The following SLURP2 variants were observed in gnomAD, a reference collection of about 807,000 sequenced individuals.
SLURP2 encodes secreted LY6/PLAUR domain containing 2.
SLURP2 carries 4 observed loss-of-function variants against 9.8 expected under a neutral mutation model. The observed-to-expected ratio is 0.41, with a 90% CI of 0.20 to 0.94. The LOEUF (loss-of-function observed/expected upper bound fraction) is 0.94. Among genes scored for constraint, SLURP2 ranks in the 40% least tolerant of loss-of-function variants. The pLI, the probability that SLURP2 is intolerant of heterozygous loss-of-function variation, is 0.32. For missense variants in SLURP2, 118 were observed against 126.4 expected (o/e 0.93, Z 0.32); for synonymous variants, 58 against 56.2 (o/e 1.03, Z -0.15).
intron 1 of SLURP2, among the ~76,000 whole-genome samples, chr8:142,767,872 C>T (rs587757929): frequency 1.3e-5 from 2 of 151,074 alleles, no homozygotes; most frequent in South Asian, 4.2e-4. Flanking sequence ...TTAATGAGGC[C>T]CAGGAGAGGC....
intron 1 of SLURP2, among the ~76,000 whole-genome samples, chr8:142,765,793 T>C (rs1429950906): frequency 6.6e-6 from 1 of 152,006 alleles, no homozygotes; most frequent in Admixed American, 6.5e-5. Context: ...AAACCCTATC[T>C]CTACTAAAAA....
intron 1 of SLURP2, among the ~76,000 whole-genome samples, chr8:142,769,535 C>G (rs1205862292): frequency 6.0e-5 from 7 of 116,592 alleles, no homozygotes; most frequent in Admixed American, 1.1e-4. Flanking sequence ...GGCTGTGCAT[C>G]CTGAGAAGTG....
rs1815064173 is a variant in SLURP2 at position 142,768,239 on chromosome 8, AG to A, written c.52+1515del. ...GGAGGAGGGAGGTGGGGTGGGGGGG[AG>A]GGGGCAGGAATAATGGAGGGACAAA... On this transcript the variant is annotated intron_variant, in intron 1 of 2. Coordinates refer to ENST00000317543, the MANE Select transcript of SLURP2 (RefSeq NM_177458.3). This position sits in a 1 kb window ranked among gnomAD's most constrained non-coding sequence, Gnocchi z 4.8. Among the ~76,000 whole-genome samples, 2 of 6,598 alleles carry A rather than the reference AG, an allele frequency of 3.0e-4. No individual in the cohort carries two copies. Among genetic ancestry groups the A allele is most frequent in the East Asian group, 6.4e-3 (1 of 156 alleles). 4.3% of individuals were successfully genotyped at this position (6,598 alleles called of 152,430 possible).
chr8:142,765,020 C>A lies in SLURP2; in HGVS notation c.157+16G>T. Reference sequence around the variant, plus strand: ...GGCAAGAAGGACGTGGCCAGCCCACCACTGTTCCCACTTACGGGTGGCAGT... The same window carrying A: ...GGCAAGAAGGACGTGGCCAGCCCACAACTGTTCCCACTTACGGGTGGCAGT... On this transcript the variant is annotated intron_variant, in intron 2 of 2. Coordinates refer to ENST00000317543, the MANE Select transcript of SLURP2 (RefSeq NM_177458.3). The A allele has an allele frequency of 6.3e-7, 1 of 1,596,278 alleles. No homozygotes were observed. Among genetic ancestry groups the A allele is most frequent in the Admixed American group, 1.7e-5 (1 of 58,884 alleles).
At chr8:142,769,314 G>A (rs1815098417) in intron 1 of SLURP2, among the ~76,000 whole-genome samples, 1 of 151,916 alleles carries the variant, frequency 6.6e-6, no homozygotes, top group South Asian at 2.1e-4. Flanking sequence ...AGAGCAGAGG[G>A]ACTTGGTTTT....
At position 142,768,710 on chromosome 8, in the gene SLURP2, T is replaced by C. The variant is rs1253251425; in HGVS notation, c.52+1045A>G. ...TAAGTCGAGTCCCCAGGCCCCTGTG[T>C]GTCTCGGACCTTCAGCACAGAGCTG... On this transcript the variant is annotated intron_variant, in intron 1 of 2. Transcript: ENST00000317543. This position sits in a 1 kb window ranked among gnomAD's most constrained non-coding sequence, Gnocchi z 4.8. Among the ~76,000 whole-genome samples the C allele has an allele frequency of 1.3e-5, 2 of 152,166 alleles. No homozygotes were observed. Among genetic ancestry groups the C allele is most frequent in the Non-Finnish European group, 2.9e-5 (2 of 68,006 alleles).
rs587728981 is a variant in SLURP2 at position 142,769,608 on chromosome 8, C to T, written c.52+147G>A. ...GACCTGCAGGATCGCAGGAGGCTTT[C>T]GGAGGAAAGCTGCACCTGGTAGATG... is the stretch of plus-strand genomic sequence containing the variant. On this transcript the variant is annotated intron_variant, in intron 1 of 2. Coordinates refer to ENST00000317543, the MANE Select transcript of SLURP2 (RefSeq NM_177458.3). The T allele has an allele frequency of 5.1e-5, 35 of 682,632 alleles. 1 individual carries two copies. Among genetic ancestry groups the T allele is most frequent in the African/African-American group, 4.5e-4 (24 of 53,488 alleles). 42.3% of individuals were successfully genotyped at this position (682,632 alleles called of 1,614,324 possible). A position where few individuals can be genotyped will look rare whatever the true frequency, so the allele number is the denominator to read the frequency against.
In SLURP2 at chr8:142,768,140, G is replaced by A. The variant is rs1282786521; in HGVS notation, c.52+1615C>T. The stretch of plus-strand genomic sequence containing the variant: ...ACACACGGGAGGGAGGGGAGATCAG[G>A]GGGAGAAGAGGAGAGAGGAAGGGAG... On this transcript the variant is annotated intron_variant, in intron 1 of 2. Transcript: ENST00000317543. The surrounding 1 kb of genome is among the most constrained non-coding windows in gnomAD (Gnocchi z 4.8). Among the ~76,000 whole-genome samples, 1 of 149,602 alleles carries A rather than the reference G, an allele frequency of 6.7e-6. No homozygotes were observed. Among genetic ancestry groups the A allele is most frequent in the Admixed American group, 6.7e-5 (1 of 14,988 alleles).
chr8:142,766,983 G>C (rs975827684), intron 1 of SLURP2, among the ~76,000 whole-genome samples: 2 of 152,210 alleles, frequency 1.3e-5, no homozygotes, highest in Non-Finnish European at 2.9e-5. Flanking sequence ...GGCTGCCCCC[G>C]CCTCACTGTT....
rs1018631728 is a variant in SLURP2 at position 142,768,066 on chromosome 8, C to T, written c.52+1689G>A. On this transcript the variant is annotated intron_variant, in intron 1 of 2. Transcript: ENST00000317543. The surrounding 1 kb of genome is among the most constrained non-coding windows in gnomAD (Gnocchi z 4.8). Reference sequence around the variant, plus strand: ...TGTTAGCTCCAAACCGGAAAGGCTGCTCGATGGTGACTGTGAGGACACAGG... The same window carrying T: ...TGTTAGCTCCAAACCGGAAAGGCTGTTCGATGGTGACTGTGAGGACACAGG... 6.6e-6 allele frequency among the ~76,000 whole-genome samples: 1 copy of T among 151,346 alleles called. No individual in the cohort carries two copies. The highest frequency in any genetic ancestry group is 1.5e-5 in the Non-Finnish European group (1 of 67,928).
Position 142,765,133 on chromosome 8 carries a change from G to A in SLURP2, c.60C>T (p.Ala20=), listed in dbSNP as rs150495251. 29 of 1,608,144 alleles carry A rather than the reference G, an allele frequency of 1.8e-5. No individual in the cohort carries two copies. The highest frequency in any genetic ancestry group is 1.1e-4 in the South Asian group (10 of 89,974). ...AAVLSLQLAA[A]EAIWCHQCTG... ...TGCACTGGTGACACCATATGGCTTCGGCTGCAGCTGCGGACATGGGGACAG... is the reference window on the plus strand; with the variant it reads ...TGCACTGGTGACACCATATGGCTTCAGCTGCAGCTGCGGACATGGGGACAG... The change falls in exon 2 of 3, where the codon GCC becomes GCT. Residue 20 remains alanine, a synonymous_variant. Coordinates refer to ENST00000317543, the MANE Select transcript of SLURP2 (RefSeq NM_177458.3).
chr8:142,765,277 C>A, intron 1 of SLURP2, 137 bp from the exon 2 acceptor site: 1 of 670,956 alleles, frequency 1.5e-6, no homozygotes, highest in Admixed American at 2.6e-5. Flanking sequence ...CCCTGTGATC[C>A]AGCCCTCTCA....
intron 1 of SLURP2, among the ~76,000 whole-genome samples, chr8:142,769,037 G>A (rs1413219150): frequency 6.6e-6 from 1 of 152,110 alleles, no homozygotes; most frequent in South Asian, 2.1e-4. Flanking sequence ...GCCTCAGGGT[G>A]GGGGTGGAGA....
Position 142,768,428 on chromosome 8 carries a change from G to A in SLURP2, c.52+1327C>T, listed in dbSNP as rs1348328264. Among the ~76,000 whole-genome samples, 2 of 152,118 alleles carry A rather than the reference G, an allele frequency of 1.3e-5. No homozygotes were observed. The highest frequency in any genetic ancestry group is 2.4e-5 in the African/African-American group (1 of 41,424). On this transcript the variant is annotated intron_variant, in intron 1 of 2. Coordinates refer to ENST00000317543, the MANE Select transcript of SLURP2 (RefSeq NM_177458.3). The surrounding 1 kb of genome is among the most constrained non-coding windows in gnomAD (Gnocchi z 4.8). ...CCAAGCAATGACAGGGGATGCAGGT[G>A]CCCCTGAGAGAGGCTCGCCAGTCCT...
In SLURP2 at chr8:142,769,782, G is replaced by A; in HGVS notation, c.25C>T (p.Leu9=). MQLGTGLL[L]AAVLSLQLAA... Reference sequence around the variant, plus strand: ...AGCTGCAGGCTCAGGACGGCGGCCAGCAGGAGCCCAGTGCCGAGCTGCATG... The same window carrying A: ...AGCTGCAGGCTCAGGACGGCGGCCAACAGGAGCCCAGTGCCGAGCTGCATG... The change falls in exon 1 of 3, where the codon CTG becomes TTG. Residue 9 remains leucine (L), a synonymous_variant. Coordinates refer to ENST00000317543, the MANE Select transcript of SLURP2 (RefSeq NM_177458.3). The A allele has an allele frequency of 1.2e-6, 2 of 1,601,306 alleles. No homozygotes were observed. The highest frequency in any genetic ancestry group is 2.3e-5 in the South Asian group (2 of 88,758).
Position 142,768,351 on chromosome 8 carries a change from A to C in SLURP2, c.52+1404T>G, listed in dbSNP as rs1351089657. ...GGGACCCCCGTGCTGGCTCTGAAGC[A>C]GGCTGGCCCCTCGGGGAGATTGTGC... is the stretch of plus-strand genomic sequence containing the variant. On this transcript the variant is annotated intron_variant, in intron 1 of 2. Transcript: ENST00000317543. The surrounding 1 kb of genome is among the most constrained non-coding windows in gnomAD (Gnocchi z 4.8). Among the ~76,000 whole-genome samples, 1 of 152,076 alleles carries C rather than the reference A, an allele frequency of 6.6e-6. No homozygotes were observed. The highest frequency in any genetic ancestry group is 1.5e-5 in the Non-Finnish European group (1 of 67,990).
chr8:142,767,887 A>T (rs1012189922), intron 1 of SLURP2, among the ~76,000 whole-genome samples: 1 of 138,472 alleles, frequency 7.2e-6, no homozygotes, highest in African/African-American at 2.6e-5. Context: ...AGAGGCTTGC[A>T]GAATGAATGA....
chr8:142,765,517 T>C, intron 1 of SLURP2, among the ~76,000 whole-genome samples: 1 of 152,108 alleles, frequency 6.6e-6, no homozygotes, highest in East Asian at 1.9e-4. Context: ...TTTCTGGCCA[T>C]GCCCATTTTT....
At chr8:142,769,663 G>C in intron 1 of SLURP2, 92 bp downstream of exon 1, 1 of 1,166,580 alleles carries the variant, frequency 8.6e-7, no homozygotes, top group Non-Finnish European at 1.2e-6. Flanking sequence ...TTCTCCCGAG[G>C]TGGGCAGTCA....
Sources: allele counts gnomAD v4.1 joint callset (sites outside exome capture counted in the v4.1 genomes callset), GRCh38; gene constraint gnomAD v4.1.1; non-coding constraint Gnocchi (gnomAD v3.1); transcripts MANE v1.5; gene names NCBI Gene and HGNC (gene_info 2026-07-23, HGNC 2026-07-21).